HK2: variants seen among roughly 807,000 people sequenced by gnomAD.
HK2 encodes hexokinase-2.
A neutral mutation model predicts 92.9 loss-of-function variants in HK2; 42 were observed. The observed-to-expected ratio is 0.45, with a 90% CI of 0.35 to 0.58. The LOEUF is 0.58. HK2 is among the 20% of genes least tolerant of loss of function. The pLI is 0.00. For missense variants in HK2, 978 were observed against 1,245.1 expected (o/e 0.79, Z 3.23); for synonymous variants, 422 against 468.0 (o/e 0.90, Z 1.27).
chr2:74,880,768 T>G lies in HK2; in HGVS notation c.1570+199T>G, dbSNP rs1028501243. ...AACAGTAGTAATGGTCAACACTTAT[T>G]GAATGCTTACTGTGTGTCAAAGCAC... On this transcript the variant is annotated intron_variant, in intron 10 of 17. Coordinates refer to ENST00000290573, the MANE Select transcript of HK2 (RefSeq NM_000189.5). Among the ~76,000 whole-genome samples the G allele has an allele frequency of 5.9e-5, 9 of 152,260 alleles. No homozygotes were observed. In the South Asian group the frequency reaches 6.2e-4, roughly 10 times the overall value.
At position 74,889,444 on chromosome 2, in the gene HK2, G is replaced by A; in HGVS notation, c.2575G>A (p.Gly859Ser). The A allele has an allele frequency of 1.2e-6, 2 of 1,613,236 alleles. No individual in the cohort carries two copies. Among genetic ancestry groups the A allele is most frequent in the Non-Finnish European group, 1.7e-6 (2 of 1,179,594 alleles). ...RGLDALKVTV[G>S]VDGTLYKLHP... ...GCTGGACGCTCTCAAAGTGACAGTG[G>A]GTGTGGATGGGACCCTCTACAAGCT... Residue 859 changes from glycine (G) to serine (S), a missense_variant, in exon 17 of 18, where the codon GGT (glycine) becomes AGT (serine). Gly to Ser is a moderately conservative substitution (Grantham distance 56). Around this residue, in one of 3 missense-constraint regions of HK2, gnomAD observed 742 missense variants for 922.5 expected, o/e 0.80. Coordinates refer to ENST00000290573, the MANE Select transcript of HK2 (RefSeq NM_000189.5).
rs373770113 is a variant in HK2 at position 74,867,831 on chromosome 2, T to C, written c.375+47T>C. Reference sequence around the variant, plus strand: ...AGCCCCTGGTGACAAAAAACTTCCTTGGCATGTTCTTTCTGTACTTTCTCC... The same window carrying C: ...AGCCCCTGGTGACAAAAAACTTCCTCGGCATGTTCTTTCTGTACTTTCTCC... On this transcript the variant is annotated intron_variant, in intron 3 of 17. Coordinates refer to ENST00000290573, the MANE Select transcript of HK2 (RefSeq NM_000189.5). 2.1e-4 allele frequency: 339 copies of C among 1,609,102 alleles called. 1 individual carries two copies. The highest frequency in any genetic ancestry group is 1.2e-3 in the Middle Eastern group (7 of 6,062).
At position 74,854,451 on chromosome 2, in the gene HK2, G is replaced by T; in HGVS notation, c.222G>T (p.Gly74=). 6.2e-7 allele frequency: 1 copy of T among 1,614,140 alleles called. No individual in the cohort carries two copies. Among genetic ancestry groups the T allele is most frequent in the Non-Finnish European group, 8.5e-7 (1 of 1,179,996 alleles). The part of the protein sequence containing the change: ...LPTFVRSTPD[G]TEHGEFLALD... ...CCTTTGTGAGGTCCACTCCAGATGG[G>T]ACAGGTACTGCATCTGGGGGATGGC... Residue 74 remains glycine, a synonymous_variant, in exon 2 of 18, where the codon GGG becomes GGT. Transcript: ENST00000290573.
chr2:74,874,205 G>T, intron 6 of HK2, 61 bp from the exon 7 acceptor site: 1 of 1,601,122 alleles, frequency 6.2e-7, no homozygotes, highest in South Asian at 1.1e-5. Context: ...TAGTATAAGA[G>T]GGAAGAGGGG....
chr2:74,887,564 G>T (rs947131775), intron 15 of HK2, among the ~76,000 whole-genome samples: 14 of 152,120 alleles, frequency 9.2e-5, no homozygotes, highest in African/African-American at 3.4e-4. Flanking sequence ...GTCCAGTGGG[G>T]TTATGGTGTG....
At chr2:74,845,811 C>T (rs1688422092) in intron 1 of HK2, among the ~76,000 whole-genome samples, 1 of 152,242 alleles carries the variant, frequency 6.6e-6, no homozygotes, top group Non-Finnish European at 1.5e-5. Context: ...TGCTGTGTGT[C>T]TTCCCCCCGG....
intron 15 of HK2, among the ~76,000 whole-genome samples, chr2:74,886,972 G>A (rs1689554352): frequency 6.6e-6 from 1 of 152,212 alleles, no homozygotes; most frequent in South Asian, 2.1e-4. Context: ...AGGCTGAAGA[G>A]CATCTCTTGG....
rs1688141218 is a variant in HK2 at position 74,835,528 on chromosome 2, A to G, written c.63+885A>G. On this transcript the variant is annotated intron_variant, in intron 1 of 17. Coordinates refer to ENST00000290573, the MANE Select transcript of HK2 (RefSeq NM_000189.5). ...CGCAGCTCCCTATGGCTGAGCGCTC[A>G]CCGCGGCCGGGTCATTTACATAAGA... Among the ~76,000 whole-genome samples the G allele has an allele frequency of 4.0e-5, 6 of 148,342 alleles. No individual in the cohort carries two copies. In the South Asian group the frequency reaches 1.3e-3, roughly 33 times the overall value.
intron 2 of HK2, among the ~76,000 whole-genome samples, chr2:74,856,406 C>CT (rs1558792832): frequency 1.3e-5 from 2 of 152,100 alleles, no homozygotes; most frequent in Non-Finnish European, 2.9e-5. Flanking sequence ...AAGAGCCCCT[C>CT]GAGGTGAGGG....
intron 1 of HK2, among the ~76,000 whole-genome samples, chr2:74,845,472 AC>A (rs1270542846): frequency 6.6e-6 from 1 of 152,222 alleles, no homozygotes; most frequent in Non-Finnish European, 1.5e-5. Context: ...CATCTCCTGG[AC>A]CCTGGACAGG....
At chr2:74,843,680 T>A (rs1442461481) in intron 1 of HK2, among the ~76,000 whole-genome samples, 1 of 152,188 alleles carries the variant, frequency 6.6e-6, no homozygotes, top group Non-Finnish European at 1.5e-5. Flanking sequence ...TGGTCCATGT[T>A]CTTAAAAGGC....
chr2:74,881,094 C>A (rs28363035), intron 10 of HK2, among the ~76,000 whole-genome samples: 1 of 152,150 alleles, frequency 6.6e-6, no homozygotes, highest in African/African-American at 2.4e-5. Context: ...CATGCCCATG[C>A]GTCTGCACGT....
chr2:74,871,285 T>C (rs181945474), intron 3 of HK2, among the ~76,000 whole-genome samples: 3 of 152,346 alleles, frequency 2.0e-5, no homozygotes, highest in Admixed American at 2.0e-4. Context: ...TTTAGTCGAA[T>C]CTTCTTGCAC....
chr2:74,842,335 C>T (rs936517717), intron 1 of HK2, among the ~76,000 whole-genome samples: 2 of 152,088 alleles, frequency 1.3e-5, no homozygotes, highest in Non-Finnish European at 2.9e-5. Context: ...ACTTTCAGTA[C>T]AGTATTCAAT....
intron 1 of HK2, chr2:74,835,051 T>A: frequency 3.5e-6 from 1 of 286,870 alleles, no homozygotes; most frequent in Non-Finnish European, 6.8e-6. Flanking sequence ...TGCGGGAGGC[T>A]GCTCCGCTGC....
chr2:74,835,206 G>T (rs1221967950), intron 1 of HK2: 1 of 164,472 alleles, frequency 6.1e-6, no homozygotes. Flanking sequence ...GAGGAACTCC[G>T]CCCGCCGCGC....
At chr2:74,844,842 G>C (rs1333809644) in intron 1 of HK2, among the ~76,000 whole-genome samples, 1 of 152,194 alleles carries the variant, frequency 6.6e-6, no homozygotes, top group African/African-American at 2.4e-5. Context: ...TGGTCAGTCG[G>C]GAGTAGCCAG....
At position 74,834,574 on chromosome 2, in the gene HK2, C is replaced by A. The variant is rs781594233; in HGVS notation, c.-7C>A. ...TTCCCAACTCTGCGCCGTCGGGCCG[C>A]GGCAGGATGATTGCCTCGCATCTGC... On this transcript the variant is annotated 5_prime_UTR_variant, in exon 1 of 18. Coordinates refer to ENST00000290573, the MANE Select transcript of HK2 (RefSeq NM_000189.5). This position sits in a 1 kb window ranked among gnomAD's most constrained non-coding sequence, Gnocchi z 4.2. 6.2e-7 allele frequency: 1 copy of A among 1,613,734 alleles called. No homozygotes were observed. Among genetic ancestry groups the A allele is most frequent in the African/African-American group, 1.3e-5 (1 of 74,918 alleles).
In HK2 at chr2:74,845,622, C is replaced by T. The variant is rs115526851; in HGVS notation, c.64-8671C>T. The stretch of plus-strand genomic sequence containing the variant: ...CCGTATGCCTCCCTGGTCAGCTCTG[C>T]GCTTACCCGCTGCCTCGGGTTTGTG... On this transcript the variant is annotated intron_variant, in intron 1 of 17. Transcript: ENST00000290573. Among the ~76,000 whole-genome samples, 679 of 152,378 alleles carry T rather than the reference C, an allele frequency of 4.5e-3. 8 individuals are homozygous for T. Among genetic ancestry groups the T allele is most frequent in the African/African-American group, 0.016 (650 of 41,592 alleles).
Sources: gnomAD v4.1 joint callset for allele counts (sites outside exome capture counted in the v4.1 genomes callset) on GRCh38, gnomAD v4.1.1 for gene constraint, gnomAD v4.1.1 regional missense constraint, Gnocchi (gnomAD v3.1) non-coding constraint, MANE v1.5 for transcripts, NCBI Gene and HGNC (gene_info 2026-07-23, HGNC 2026-07-21) for gene names.